The following ZNF431 variants were observed in gnomAD, a reference collection of about 807,000 sequenced individuals.
ZNF431 encodes zinc finger protein 431.
Under a neutral mutation model 57.0 loss-of-function variants are expected in ZNF431, and 34 were observed. The observed-to-expected ratio is 0.60, with a 90% CI of 0.45 to 0.79. The LOEUF (loss-of-function observed/expected upper bound fraction) is 0.79. Among genes scored for constraint, ZNF431 ranks in the 30% least tolerant of loss-of-function variants. The pLI is 0.00. For synonymous variants in ZNF431, 207 were observed against 220.3 expected (o/e 0.94, Z 0.54); for missense variants, 607 against 667.1 (o/e 0.91, Z 0.99).
Position 21,183,508 on chromosome 19 carries a change from G to C in ZNF431, c.1205G>C (p.Cys402Ser). Residue 402 changes from cysteine (C) to serine (S), a missense_variant, in exon 5 of 5, where the codon TGT becomes TCT. By Grantham distance (112) the Cys-to-Ser change is moderately radical. Coordinates refer to ENST00000311048, the MANE Select transcript of ZNF431 (RefSeq NM_133473.4). ...CATACTGGAGAGAAACCCTACAAAT[G>C]TGAAGTGTGTGGCAAAGCCTTTAAT... ...RIHTGEKPYK[C>S]EVCGKAFNES... is the part of the protein sequence containing the mutation. 1 of 1,613,690 alleles carries C rather than the reference G, an allele frequency of 6.2e-7. No homozygotes were observed.
At chr19:21,180,302 C>T (rs1252139763) in intron 4 of ZNF431, among the ~76,000 whole-genome samples, 1 of 152,190 alleles carries the variant, frequency 6.6e-6, no homozygotes, top group Non-Finnish European at 1.5e-5. Flanking sequence ...TGTGTTTTTG[C>T]AATGGCTGGT....
intron 4 of ZNF431, among the ~76,000 whole-genome samples, chr19:21,170,703 T>C (rs1210703706): frequency 6.6e-6 from 1 of 151,892 alleles, no homozygotes; most frequent in Non-Finnish European, 1.5e-5. Context: ...AGATGGAGTG[T>C]CAATCTGTCA....
At chr19:21,167,093 G>A (rs1970739762) in intron 3 of ZNF431, among the ~76,000 whole-genome samples, 1 of 151,896 alleles carries the variant, frequency 6.6e-6, no homozygotes, top group Non-Finnish European at 1.5e-5. Flanking sequence ...CCTGACCTCA[G>A]GAGATCTGCC....
chr19:21,182,808 A>G lies in ZNF431; in HGVS notation c.505A>G (p.Thr169Ala), dbSNP rs759112329. The change falls in exon 5 of 5, where the codon ACA becomes GCA. Residue 169 changes from threonine to alanine, a missense_variant. Coordinates refer to ENST00000311048, the MANE Select transcript of ZNF431 (RefSeq NM_133473.4). Reference sequence around the variant, plus strand: ...TTATAATGAGCTAAACCAGTGTTTGACAACTACCCAGAGCAAAATATTTCC... The same window carrying G: ...TTATAATGAGCTAAACCAGTGTTTGGCAACTACCCAGAGCAAAATATTTCC... ...EGYNELNQCL[T>A]TTQSKIFPCD... 11 of 1,613,940 alleles carry G rather than the reference A, an allele frequency of 6.8e-6. No homozygotes were observed. Among genetic ancestry groups the G allele is most frequent in the Middle Eastern group, 1.6e-4 (1 of 6,082 alleles).
chr19:21,189,042 A>T lies in ZNF431; in HGVS notation c.*5008A>T, dbSNP rs1971447371. On this transcript the variant is annotated 3_prime_UTR_variant, in exon 5 of 5. Transcript: ENST00000311048. The stretch of plus-strand genomic sequence containing the variant: ...TTTTTGATACTATTTAACCAAGATT[A>T]TCACAAAGACACAGTATTTGACACA... 1 of 152,248 alleles carries T rather than the reference A, an allele frequency of 6.6e-6. No homozygotes were observed. Among genetic ancestry groups the T allele is most frequent in the Non-Finnish European group, 1.5e-5 (1 of 68,038 alleles). 9.4% of individuals were successfully genotyped at this position (152,248 alleles called of 1,614,324 possible).
intron 2 of ZNF431, chr19:21,149,894 A>G (rs935149734): frequency 1.1e-5 from 7 of 630,352 alleles, no homozygotes; most frequent in Admixed American, 2.1e-5. Flanking sequence ...CTTCCCCTTG[A>G]TAATGCAGTA....
intron 2 of ZNF431, among the ~76,000 whole-genome samples, chr19:21,155,547 A>G (rs1970395221): frequency 6.6e-6 from 1 of 152,116 alleles, no homozygotes. Flanking sequence ...GTTTTTTCCA[A>G]TTCTGTGAAG....
chr19:21,187,930 C>G lies in ZNF431; in HGVS notation c.*3896C>G, dbSNP rs1971415565. On this transcript the variant is annotated 3_prime_UTR_variant, in exon 5 of 5. Coordinates refer to ENST00000311048, the MANE Select transcript of ZNF431 (RefSeq NM_133473.4). ...AGGAAGTTGGTATTTTTAGTGCACA[C>G]AAAAATTGGTTTTAACTGTAGAGTT... 1 of 151,830 alleles carries G rather than the reference C, an allele frequency of 6.6e-6. No homozygotes were observed. The highest frequency in any genetic ancestry group is 1.5e-5 in the Non-Finnish European group (1 of 67,990). The allele number at this position is 151,830 out of a possible 1,614,324, so 9.4% of individuals were successfully genotyped here. A position where few individuals can be genotyped will look rare whatever the true frequency, so the allele number is the denominator to read the frequency against.
At chr19:21,171,176 T>TTA (rs1970877127) in intron 4 of ZNF431, among the ~76,000 whole-genome samples, 1 of 150,380 alleles carries the variant, frequency 6.6e-6, no homozygotes, top group South Asian at 2.1e-4. Context: ...AAAAGTTTCT[T>TTA]ATTAGACTAT....
At chr19:21,161,625 G>T (rs1970566574) in intron 2 of ZNF431, among the ~76,000 whole-genome samples, 1 of 152,090 alleles carries the variant, frequency 6.6e-6, no homozygotes, top group Admixed American at 6.6e-5. Context: ...AGAGGGTCCA[G>T]TGCCTAACCC....
At position 21,142,119 on chromosome 19, in the gene ZNF431, C is replaced by T. The variant is rs142515399; in HGVS notation, c.-65C>T. 35 of 1,601,378 alleles carry T rather than the reference C, an allele frequency of 2.2e-5. No homozygotes were observed. The East Asian group carries it at 7.1e-4, about 33-fold the overall frequency. Reference sequence around the variant, plus strand: ...GCTCCTAGAGGCCCAACATCTGTGGCCCTGTGACCTGCAGGTATTGGGAGA... The same window carrying T: ...GCTCCTAGAGGCCCAACATCTGTGGTCCTGTGACCTGCAGGTATTGGGAGA... On this transcript the variant is annotated 5_prime_UTR_variant, in exon 1 of 5. Coordinates refer to ENST00000311048, the MANE Select transcript of ZNF431 (RefSeq NM_133473.4).
rs1971275448 is a variant in ZNF431, at chr19:21,183,554, A to G, written c.1251A>G (p.Thr417=). 3 of 1,613,424 alleles carry G rather than the reference A, an allele frequency of 1.9e-6. No homozygotes were observed. Among genetic ancestry groups the G allele is most frequent in the Non-Finnish European group, 2.5e-6 (3 of 1,179,972 alleles). The part of the protein sequence containing the change: ...KAFNESSNLT[T]HKMIHTGEKP... ...TTAATGAGTCCTCAAACCTTACTACACATAAGATGATTCATACTGGAGAGA... is the reference window on the plus strand; with the variant it reads ...TTAATGAGTCCTCAAACCTTACTACGCATAAGATGATTCATACTGGAGAGA... The change falls in exon 5 of 5, where the codon ACA becomes ACG. Residue 417 remains threonine, a synonymous_variant. Transcript: ENST00000311048.
In ZNF431 at chr19:21,188,629, T is replaced by G. The variant is rs984443700; in HGVS notation, c.*4595T>G. On this transcript the variant is annotated 3_prime_UTR_variant, in exon 5 of 5. Coordinates refer to ENST00000311048, the MANE Select transcript of ZNF431 (RefSeq NM_133473.4). ...AAATTTTTCACTCATTTTTTATATA[T>G]TTTTTAGTGGGAGAGGTTTAGTCTA... 6.6e-6 allele frequency: 1 copy of G among 152,188 alleles called. No homozygotes were observed. Among genetic ancestry groups the G allele is most frequent in the African/African-American group, 2.4e-5 (1 of 41,458 alleles). The allele number at this position is 152,188 out of a possible 1,614,324, so 9.4% of individuals were successfully genotyped here. A position where few individuals can be genotyped will look rare whatever the true frequency, so the allele number is the denominator to read the frequency against.
intron 2 of ZNF431, among the ~76,000 whole-genome samples, chr19:21,161,274 T>C (rs1970558383): frequency 6.6e-6 from 1 of 152,184 alleles, no homozygotes; most frequent in African/African-American, 2.4e-5. Context: ...TATTGTATGG[T>C]TAGTACAATG....
At chr19:21,163,876 C>G (rs1970645741) in intron 2 of ZNF431, among the ~76,000 whole-genome samples, 1 of 151,714 alleles carries the variant, frequency 6.6e-6, no homozygotes, top group Admixed American at 6.6e-5. Context: ...CTTATCAGCC[C>G]ACTTCTCTCA....
Position 21,187,811 on chromosome 19 carries a change from A to C in ZNF431, c.*3777A>C, listed in dbSNP as rs1971412865. 6.6e-6 allele frequency: 1 copy of C among 152,226 alleles called. No homozygotes were observed. The highest frequency in any genetic ancestry group is 2.4e-5 in the African/African-American group (1 of 41,454). 9.4% of individuals were successfully genotyped at this position (152,226 alleles called of 1,614,324 possible). ...TTATGCATTTTCCAACTATGTATGC[A>C]TCACAGCTATTCTTTTTCTGAGTTA... On this transcript the variant is annotated 3_prime_UTR_variant, in exon 5 of 5. Coordinates refer to ENST00000311048, the MANE Select transcript of ZNF431 (RefSeq NM_133473.4).
intron 4 of ZNF431, among the ~76,000 whole-genome samples, chr19:21,178,263 A>G (rs1971114323): frequency 6.6e-6 from 1 of 152,144 alleles, no homozygotes; most frequent in African/African-American, 2.4e-5. Flanking sequence ...TGTCATCTAC[A>G]AACAGAGACA....
At chr19:21,182,107 T>TG (rs1971223987) in intron 4 of ZNF431, among the ~76,000 whole-genome samples, 2 of 152,336 alleles carry the variant, frequency 1.3e-5, no homozygotes, top group South Asian at 4.1e-4. Context: ...GTCTCTCTGT[T>TG]GCTGTAACAT....
At chr19:21,179,732 A>G (rs1599616843) in intron 4 of ZNF431, among the ~76,000 whole-genome samples, 2 of 151,410 alleles carry the variant, frequency 1.3e-5, no homozygotes, top group Admixed American at 1.3e-4. Context: ...GCTAATTTTT[A>G]TATTTTTAGT....
Sources: allele counts gnomAD v4.1 joint callset (sites outside exome capture counted in the v4.1 genomes callset), GRCh38; gene constraint gnomAD v4.1.1; transcripts MANE v1.5; gene names NCBI Gene and HGNC (gene_info 2026-07-23, HGNC 2026-07-21).